Variants in RBFOX1 observed in about 807,000 individuals in gnomAD.
RBFOX1 encodes the protein RNA binding fox-1 homolog 1.
RBFOX1 carries 8 observed loss-of-function variants against 57.7 expected under a neutral mutation model. That is an observed-to-expected ratio of 0.14 (90% confidence interval 0.08 to 0.25). The LOEUF is 0.25. Among genes scored for constraint, RBFOX1 ranks in the 10% least tolerant of loss-of-function variants. The probability of loss-of-function intolerance (pLI) is 1.00; values close to 1 mark genes in which losing one functional copy is unlikely to be tolerated. For synonymous variants in RBFOX1, 326 were observed against 222.4 expected, an observed-to-expected ratio of 1.47 and a Z score of -4.15; for missense variants, 611 against 548.5, an observed-to-expected ratio of 1.11 and a Z score of -1.14.
At chr16:5,976,962 C>A (rs193227518) in intron 4 of RBFOX1, among the ~76,000 whole-genome samples, 2 of 152,174 alleles carry the variant, frequency 1.3e-5, no homozygotes, top group Admixed American at 1.3e-4. Flanking sequence ...TCCTCCTGCA[C>A]GTGCACTTCT....
chr16:7,462,739 C>A (rs2059805157), intron 4 of RBFOX1, among the ~76,000 whole-genome samples: 1 of 152,218 alleles, frequency 6.6e-6, no homozygotes, highest in African/African-American at 2.4e-5. Context: ...GCTTTGCTGG[C>A]TGTCAGCAGG....
intron 1 of RBFOX1, among the ~76,000 whole-genome samples, chr16:6,045,571 C>T (rs1472200587): frequency 6.6e-6 from 1 of 152,156 alleles, no homozygotes; most frequent in Non-Finnish European, 1.5e-5. Flanking sequence ...ACCTGTCAGA[C>T]ACCAGGCATC....
rs138086248 is a variant in RBFOX1, at chr16:6,931,722, C to T, written c.-15-120335C>T. On this transcript the variant is annotated intron_variant, in intron 3 of 15. Transcript: ENST00000550418. ...TTTCTAGTTGGTGGGTCTAACCCTCCCTGTTGCTTGTGCAGATCTCTTTGT... is the reference window on the plus strand; with the variant it reads ...TTTCTAGTTGGTGGGTCTAACCCTCTCTGTTGCTTGTGCAGATCTCTTTGT... Among the ~76,000 whole-genome samples the T allele has an allele frequency of 4.9e-3, 745 of 152,290 alleles. 10 individuals are homozygous for T. The highest frequency in any genetic ancestry group is 0.026 in the East Asian group (134 of 5,186).
intron 1 of RBFOX1, among the ~76,000 whole-genome samples, chr16:6,210,364 A>ACC (rs1398504224): frequency 7.8e-6 from 1 of 127,994 alleles, no homozygotes; most frequent in African/African-American, 2.7e-5. Flanking sequence ...AAAACACCAA[A>ACC]AAAAAAAAAA....
chr16:5,649,320 C>G (rs1376065088), intron 3 of RBFOX1, among the ~76,000 whole-genome samples: 1 of 152,034 alleles, frequency 6.6e-6, no homozygotes, highest in African/African-American at 2.4e-5. Context: ...CAGGCATGCG[C>G]CACTATGCCT....
At chr16:6,499,653 A>T (rs1463043178) in intron 2 of RBFOX1, among the ~76,000 whole-genome samples, 2 of 152,034 alleles carry the variant, frequency 1.3e-5, no homozygotes, top group Admixed American at 6.6e-5. Flanking sequence ...AGTTCTCATT[A>T]TTGTAATGTG....
chr16:6,612,314 G>A (rs978963788), intron 2 of RBFOX1, among the ~76,000 whole-genome samples: 1 of 152,112 alleles, frequency 6.6e-6, no homozygotes, highest in Non-Finnish European at 1.5e-5. Flanking sequence ...ACTTTGGGAT[G>A]ATATTACAAA....
chr16:7,604,161 A>G (rs948672334), intron 9 of RBFOX1, among the ~76,000 whole-genome samples: 31 of 152,202 alleles, frequency 2.0e-4, no homozygotes, highest in African/African-American at 6.8e-4. Flanking sequence ...TAGATATGCC[A>G]TTTGCTAAAG....
chr16:6,890,230 C>T (rs775273046), intron 3 of RBFOX1, among the ~76,000 whole-genome samples: 2 of 152,020 alleles, frequency 1.3e-5, no homozygotes, highest in Non-Finnish European at 1.5e-5. Flanking sequence ...TTATGAAAAC[C>T]TAAGGAGGGT....
intron 2 of RBFOX1, among the ~76,000 whole-genome samples, chr16:6,455,249 A>T (rs1466977966): frequency 6.6e-6 from 1 of 152,030 alleles, no homozygotes; most frequent in Non-Finnish European, 1.5e-5. Flanking sequence ...TTTTACCCTC[A>T]AGGAATCTTC....
chr16:5,485,368 A>AAAAAAAAAAAAAG (rs1567150376), intron 2 of RBFOX1, among the ~76,000 whole-genome samples: 1 of 148,644 alleles, frequency 6.7e-6, no homozygotes, highest in Non-Finnish European at 1.5e-5. Flanking sequence ...AAAAAAAAAA[A>AAAAAAAAAAAAAG]GTGAATAAGT....
In RBFOX1 at chr16:5,996,485, G is replaced by A. The variant is rs1232955800; in HGVS notation, c.351+129150G>A. 2.0e-5 allele frequency among the ~76,000 whole-genome samples: 3 copies of A among 151,936 alleles called. No homozygotes were observed. The East Asian group carries it at 5.8e-4, about 29-fold the overall frequency. The stretch of plus-strand genomic sequence containing the variant: ...TTTTTTCTCCCAATAAGCAGTGAGA[G>A]GTTTTGTGTGTAGATTAGTGGAGGT... On this transcript the variant is annotated intron_variant, in intron 4 of 19. Transcript: ENST00000641259.
rs563744838 is a variant in RBFOX1, at chr16:7,448,464, C to A, written c.28-69683C>A. On this transcript the variant is annotated intron_variant, in intron 4 of 15. Coordinates refer to ENST00000550418, the MANE Select transcript of RBFOX1 (RefSeq NM_018723.4). ...ATGGCGGCAGGCAAGAGAGTGTATG[C>A]AGGGCAGCTTCCCTTAATAAAACCA... Among the ~76,000 whole-genome samples, 86 of 152,264 alleles carry A rather than the reference C, an allele frequency of 5.6e-4. 1 individual carries two copies. The highest frequency in any genetic ancestry group is 1.9e-3 in the African/African-American group (80 of 41,540).
intron 3 of RBFOX1, among the ~76,000 whole-genome samples, chr16:6,865,494 A>G (rs1004487724): frequency 4.6e-5 from 7 of 152,124 alleles, no homozygotes; most frequent in African/African-American, 1.7e-4. Flanking sequence ...GTTTTTTAAC[A>G]TTTATTTAAC....
intron 2 of RBFOX1, among the ~76,000 whole-genome samples, chr16:6,628,339 A>G (rs17664932): frequency 0.21 from 32,219 of 152,166 alleles, 3,626 homozygotes; most frequent in Admixed American, 0.28. Context: ...AACCTAGAGT[A>G]TGTCCCAACA....
chr16:6,930,879 C>G (rs963042284), intron 3 of RBFOX1, among the ~76,000 whole-genome samples: 23 of 152,086 alleles, frequency 1.5e-4, no homozygotes, highest in African/African-American at 4.8e-4. Flanking sequence ...TGTTCCTATC[C>G]AATACCCCTG....
intron 2 of RBFOX1, among the ~76,000 whole-genome samples, chr16:5,594,247 T>A (rs1440919701): frequency 2.6e-5 from 4 of 152,202 alleles, no homozygotes; most frequent in Admixed American, 2.0e-4. Flanking sequence ...TTATTCTATG[T>A]GACTATAGAT....
intron 3 of RBFOX1, among the ~76,000 whole-genome samples, chr16:6,806,065 C>G (rs1260591493): frequency 6.6e-6 from 1 of 152,142 alleles, no homozygotes; most frequent in Non-Finnish European, 1.5e-5. Context: ...CATCCAGCAG[C>G]TTGGAGAAGT....
chr16:6,673,419 C>G lies in RBFOX1; in HGVS notation c.-16+18769C>G, dbSNP rs542726448. 6.2e-4 allele frequency among the ~76,000 whole-genome samples: 95 copies of G among 152,232 alleles called. No individual in the cohort carries two copies. In the Middle Eastern group the frequency reaches 0.02, roughly 33 times the overall value. ...CCTGGTCAACATGGCAAAACCGCAT[C>G]TCTACTAAAAATACAAAAATTAGTC... On this transcript the variant is annotated intron_variant, in intron 3 of 15. Coordinates refer to ENST00000550418, the MANE Select transcript of RBFOX1 (RefSeq NM_018723.4).
Sources: gnomAD v4.1 joint callset for allele counts (sites outside exome capture counted in the v4.1 genomes callset) on GRCh38, gnomAD v4.1.1 for gene constraint, MANE v1.5 for transcripts, NCBI Gene and HGNC (gene_info 2026-07-23, HGNC 2026-07-21) for gene names.